Variants in CGNL1 observed in about 807,000 individuals in gnomAD.
The protein encoded by CGNL1 is cingulin like 1.
In CGNL1, 132 loss-of-function variants were observed where a neutral mutation model predicts 141.2. That is an observed-to-expected ratio of 0.93 (90% CI 0.81 to 1.08). The LOEUF (loss-of-function observed/expected upper bound fraction) is 1.08. CGNL1 is among the 50% of genes least tolerant of loss of function. The probability of loss-of-function intolerance (pLI) is 0.00; values close to 1 mark genes in which losing one functional copy is unlikely to be tolerated. For synonymous variants in CGNL1, 690 were observed against 622.1 expected (o/e 1.11, Z -1.63); for missense variants, 1,870 against 1,588.6 (o/e 1.18, Z -3.01).
At chr15:57,545,760 G>T (rs777954852) in intron 17 of CGNL1, 60 bp downstream of exon 17, 22 of 1,359,152 alleles carry the variant, frequency 1.6e-5, no homozygotes, top group South Asian at 3.7e-5. Flanking sequence ...GGCTGAGGGA[G>T]CAAGGGAGGC....
At chr15:57,381,384 A>G (rs2062422997) in intron 1 of CGNL1, among the ~76,000 whole-genome samples, 1 of 152,138 alleles carries the variant, frequency 6.6e-6, no homozygotes, top group African/African-American at 2.4e-5. Flanking sequence ...ACATGCTGAA[A>G]TACCGCCTCT....
chr15:57,388,465 G>A (rs1160881130), intron 1 of CGNL1, among the ~76,000 whole-genome samples: 2 of 152,184 alleles, frequency 1.3e-5, no homozygotes, highest in African/African-American at 4.8e-5. Flanking sequence ...TGGACTGCCC[G>A]GATCTGAATC....
At chr15:57,479,695 G>T (rs1466618959) in intron 8 of CGNL1, among the ~76,000 whole-genome samples, 1 of 152,022 alleles carries the variant, frequency 6.6e-6, no homozygotes, top group Non-Finnish European at 1.5e-5. Flanking sequence ...AATGAAACAG[G>T]CAGAGCAGTT....
chr15:57,443,874 G>A (rs1339720008), intron 4 of CGNL1, among the ~76,000 whole-genome samples: 2 of 152,184 alleles, frequency 1.3e-5, no homozygotes, highest in African/African-American at 4.8e-5. Flanking sequence ...GCAATATAAA[G>A]GGTCTTGAAC....
At chr15:57,413,610 C>T (rs1324478323) in intron 1 of CGNL1, among the ~76,000 whole-genome samples, 1 of 152,230 alleles carries the variant, frequency 6.6e-6, no homozygotes, top group African/African-American at 2.4e-5. Flanking sequence ...GAAACCACTC[C>T]TTCCTGGCCG....
In CGNL1 at chr15:57,385,017, C is replaced by G. The variant is rs144349621; in HGVS notation, c.-16+8450C>G. On this transcript the variant is annotated intron_variant, in intron 1 of 18. Coordinates refer to ENST00000281282, the MANE Select transcript of CGNL1 (RefSeq NM_032866.5). ...TGGTGAATCATTTTTTGCTTGTTTG[C>G]TTAAAGCATTTCTTATCTGAAGGGC... 6.5e-4 allele frequency among the ~76,000 whole-genome samples: 99 copies of G among 152,278 alleles called. 1 individual carries two copies. The highest frequency in any genetic ancestry group is 2.3e-3 in the African/African-American group (94 of 41,560).
chr15:57,392,639 C>T (rs550931623), intron 1 of CGNL1, among the ~76,000 whole-genome samples: 1 of 152,294 alleles, frequency 6.6e-6, no homozygotes, highest in South Asian at 2.1e-4. Flanking sequence ...AAGTATGAGA[C>T]CTTCTGTTCA....
chr15:57,452,148 A>T lies in CGNL1; in HGVS notation c.1913A>T (p.Gln638Leu). 1 of 1,612,682 alleles carries T rather than the reference A, an allele frequency of 6.2e-7. No homozygotes were observed. The highest frequency in any genetic ancestry group is 2.2e-5 in the East Asian group (1 of 44,838). The change falls in exon 6 of 19, where the codon CAG (glutamine) becomes CTG (leucine). Residue 638 changes from glutamine (Q) to leucine (L), a missense_variant. Coordinates refer to ENST00000281282, the MANE Select transcript of CGNL1 (RefSeq NM_032866.5). ...RQLQLEVKNQ[Q>L]NIKEERERMR... ...CACACTGATTCCTGTTAGAATCAAC[A>T]GAACATTAAAGAAGAGAGAGAGAGG...
intron 18 of CGNL1, 58 bp from the exon 19 acceptor site, chr15:57,547,297 A>G: frequency 6.3e-7 from 1 of 1,594,496 alleles, no homozygotes; most frequent in Non-Finnish European, 8.5e-7. Context: ...CTTTAAGTCC[A>G]AATTAGCTAT....
At chr15:57,413,614 C>T (rs1288614565) in intron 1 of CGNL1, among the ~76,000 whole-genome samples, 3 of 152,250 alleles carry the variant, frequency 2.0e-5, no homozygotes, top group Admixed American at 6.5e-5. Context: ...CCACTCCTTC[C>T]TGGCCGCTCT....
At chr15:57,432,781 T>A (rs1355585199) in intron 1 of CGNL1, among the ~76,000 whole-genome samples, 1 of 152,224 alleles carries the variant, frequency 6.6e-6, no homozygotes, top group Non-Finnish European at 1.5e-5. Context: ...AGCTGAGAAA[T>A]GTTGTTCCAT....
At position 57,443,347 on chromosome 15, in the gene CGNL1, C is replaced by T. The variant is rs201502386; in HGVS notation, c.1803+869C>T. Among the ~76,000 whole-genome samples, 56 of 152,260 alleles carry T rather than the reference C, an allele frequency of 3.7e-4. 1 individual carries two copies. In the South Asian group the frequency reaches 5.8e-3, roughly 16 times the overall value. ...GAAGGAAGCCACTCGTAAGAGAGTA[C>T]GGCTAAACACTCGTTCCTCAATCTT... On this transcript the variant is annotated intron_variant, in intron 4 of 18. Transcript: ENST00000281282.
intron 8 of CGNL1, among the ~76,000 whole-genome samples, chr15:57,479,987 C>T (rs1204339801): frequency 1.3e-5 from 2 of 152,142 alleles, no homozygotes; most frequent in African/African-American, 4.8e-5. Context: ...ACATATTATG[C>T]CAGGTGAGAT....
chr15:57,393,860 TA>T (rs1273033169), intron 1 of CGNL1: 3 of 152,118 alleles, frequency 2.0e-5, no homozygotes, highest in Non-Finnish European at 4.4e-5. Context: ...TGATAACAAT[TA>T]ATGATACTAA....
At chr15:57,449,086 A>G (rs149426534) in intron 4 of CGNL1, among the ~76,000 whole-genome samples, 58 of 152,208 alleles carry the variant, frequency 3.8e-4, no homozygotes, top group African/African-American at 1.3e-3. Context: ...AGGTTTCTCT[A>G]TTTTGGTTGA....
chr15:57,449,589 C>T (rs1325844252), intron 4 of CGNL1, among the ~76,000 whole-genome samples: 11 of 152,118 alleles, frequency 7.2e-5, no homozygotes, highest in Non-Finnish European at 4.4e-5. Flanking sequence ...CCATAGTTTA[C>T]GTTAGTGTTC....
chr15:57,518,639 A>G, intron 10 of CGNL1, 142 bp downstream of exon 10: 1 of 644,528 alleles, frequency 1.6e-6, no homozygotes, highest in East Asian at 2.8e-5. Flanking sequence ...AGTTATTTGA[A>G]CTATCCGTCT....
intron 16 of CGNL1, 114 bp from the exon 17 acceptor site, chr15:57,545,478 G>A: frequency 1.2e-6 from 1 of 829,174 alleles, no homozygotes. Flanking sequence ...CTGACCCTAA[G>A]CCTTGAGCTG....
At chr15:57,542,240 G>C (rs1457022005) in intron 14 of CGNL1, among the ~76,000 whole-genome samples, 2 of 152,250 alleles carry the variant, frequency 1.3e-5, no homozygotes, top group Non-Finnish European at 1.5e-5. Flanking sequence ...GTAAGCCTGT[G>C]TCAGATGCTC....
Sources: allele counts gnomAD v4.1 joint callset (sites outside exome capture counted in the v4.1 genomes callset), GRCh38; gene constraint gnomAD v4.1.1; transcripts MANE v1.5; gene names NCBI Gene and HGNC (gene_info 2026-07-23, HGNC 2026-07-21).